LIN7A: variants seen among roughly 807,000 people sequenced by gnomAD.
The protein encoded by LIN7A is protein lin-7 homolog A.
A neutral mutation model predicts 29.8 loss-of-function variants in LIN7A; 25 were observed. The observed-to-expected ratio is 0.84, with a 90% CI of 0.61 to 1.17. The LOEUF (loss-of-function observed/expected upper bound fraction) is 1.17. Among genes scored for constraint, LIN7A ranks in the 50% most tolerant of loss-of-function variants. The pLI, the probability that LIN7A is intolerant of heterozygous loss-of-function variation, is 0.00. For missense variants in LIN7A, 239 were observed against 287.0 expected (o/e 0.83, Z 1.21); for synonymous variants, 118 against 107.5 (o/e 1.10, Z -0.60).
intron 1 of LIN7A, among the ~76,000 whole-genome samples, chr12:80,930,197 C>A (rs560722283): frequency 1.9e-4 from 29 of 152,226 alleles, no homozygotes; most frequent in African/African-American, 5.3e-4. Context: ...AAATTAGACA[C>A]CCTAGCTTTA....
At chr12:80,917,182 A>T (rs75876849) in intron 1 of LIN7A, among the ~76,000 whole-genome samples, 8,909 of 152,274 alleles carry the variant, frequency 0.059, 395 homozygotes, top group Admixed American at 0.13. Context: ...GCAACAAAAA[A>T]TTCAAGAGGA....
At chr12:80,813,401 A>G (rs1424130619) in intron 4 of LIN7A, among the ~76,000 whole-genome samples, 1 of 152,204 alleles carries the variant, frequency 6.6e-6, no homozygotes, top group African/African-American at 2.4e-5. Flanking sequence ...TCAGACTGCT[A>G]ATAACTTAAC....
chr12:80,812,096 T>A (rs1406541833), intron 4 of LIN7A, among the ~76,000 whole-genome samples: 1 of 152,140 alleles, frequency 6.6e-6, no homozygotes, highest in East Asian at 1.9e-4. Context: ...ATTAAAGTGG[T>A]GTCTTATTGT....
At chr12:80,832,499 G>A (rs1266532171) in intron 4 of LIN7A, 1 of 472,836 alleles carries the variant, frequency 2.1e-6, no homozygotes, top group Middle Eastern at 3.2e-4. Flanking sequence ...ATTCAATTGA[G>A]ATCAAGCCTT....
chr12:80,822,498 C>T (rs1592863323), intron 4 of LIN7A, among the ~76,000 whole-genome samples: 1 of 152,238 alleles, frequency 6.6e-6, no homozygotes, highest in East Asian at 1.9e-4. Flanking sequence ...GTGGAGGTTG[C>T]AGTGAGCCAA....
chr12:80,912,468 C>G (rs996222688), intron 1 of LIN7A, among the ~76,000 whole-genome samples: 1 of 151,984 alleles, frequency 6.6e-6, no homozygotes, highest in African/African-American at 2.4e-5. Context: ...GTATTCCCAA[C>G]AATTTGGGAG....
chr12:80,911,506 G>C (rs1383436943), intron 1 of LIN7A, among the ~76,000 whole-genome samples: 1 of 151,954 alleles, frequency 6.6e-6, no homozygotes, highest in Non-Finnish European at 1.5e-5. Context: ...CATATGGAAA[G>C]GGATATAGCA....
chr12:80,811,677 C>T lies in LIN7A; in HGVS notation c.490G>A (p.Glu164Lys). Reference sequence around the variant, plus strand: ...ACAGCTTTCTCATGGTGTTCTCCTTCCACACTCTGAAAATACAATGACACT... The same window carrying T: ...ACAGCTTTCTCATGGTGTTCTCCTTTCACACTCTGAAAATACAATGACACT... ...QLLSVNGVSVEGEHHEKAVEL... is the reference protein window; with the variant it reads ...QLLSVNGVSVKGEHHEKAVEL... The change falls in exon 5 of 6, where the codon GAA becomes AAA. Residue 164 changes from glutamate to lysine, a missense_variant. Transcript: ENST00000552864. 1.2e-6 allele frequency: 2 copies of T among 1,607,682 alleles called. No individual in the cohort carries two copies. The highest frequency in any genetic ancestry group is 1.7e-6 in the Non-Finnish European group (2 of 1,174,690).
At chr12:80,884,477 A>T (rs1430565860) in intron 2 of LIN7A, among the ~76,000 whole-genome samples, 3 of 152,226 alleles carry the variant, frequency 2.0e-5, no homozygotes, top group Admixed American at 1.3e-4. Flanking sequence ...TTTATCATAT[A>T]AAACATTACT....
chr12:80,799,644 T>C (rs1162282830), intron 5 of LIN7A, among the ~76,000 whole-genome samples: 1 of 152,158 alleles, frequency 6.6e-6, no homozygotes, highest in African/African-American at 2.4e-5. Flanking sequence ...TGATAAGTTG[T>C]GGGAACCAAA....
intron 4 of LIN7A, among the ~76,000 whole-genome samples, chr12:80,833,198 T>G (rs1308399299): frequency 6.6e-6 from 1 of 152,180 alleles, no homozygotes; most frequent in Non-Finnish European, 1.5e-5. Context: ...GGCTGAGCCA[T>G]AGACAACACA....
intron 5 of LIN7A, among the ~76,000 whole-genome samples, chr12:80,809,450 G>A (rs1871187126): frequency 1.3e-5 from 2 of 152,090 alleles, no homozygotes; most frequent in Non-Finnish European, 2.9e-5. Context: ...TAGTGTAAAG[G>A]TATCTAACAA....
chr12:80,827,165 A>C (rs139017028), intron 4 of LIN7A, among the ~76,000 whole-genome samples: 1 of 152,142 alleles, frequency 6.6e-6, no homozygotes, highest in Non-Finnish European at 1.5e-5. Context: ...AGGTGAGCAG[A>C]TCACGAGGTC....
Position 80,811,553 on chromosome 12 carries a change from G to A in LIN7A, c.614C>T (p.Thr205Ile). The A allele has an allele frequency of 6.2e-7, 1 of 1,613,962 alleles. No individual in the cohort carries two copies. The highest frequency in any genetic ancestry group is 8.5e-7 in the Non-Finnish European group (1 of 1,179,950). ...EMEARFEKLR[T>I]ARRRQQQQLL... Reference sequence around the variant, plus strand: ...TTGCTGCTGCTGCCGACGCCTGGCTGTTCGTAGCTTTTCAAAGCGAGCCTC... The same window carrying A: ...TTGCTGCTGCTGCCGACGCCTGGCTATTCGTAGCTTTTCAAAGCGAGCCTC... The change falls in exon 5 of 6, where the codon ACA becomes ATA. Residue 205 changes from threonine (T) to isoleucine (I), a missense_variant. By Grantham distance (89) the Thr-to-Ile change is moderately conservative. Transcript: ENST00000552864.
At chr12:80,919,408 A>G (rs1328534700) in intron 1 of LIN7A, among the ~76,000 whole-genome samples, 1 of 152,232 alleles carries the variant, frequency 6.6e-6, no homozygotes, top group Non-Finnish European at 1.5e-5. Flanking sequence ...ATTCCAAATA[A>G]GTGAGAAAAA....
intron 2 of LIN7A, among the ~76,000 whole-genome samples, chr12:80,880,774 C>CAG (rs1874985427): frequency 6.9e-6 from 1 of 145,126 alleles, no homozygotes; most frequent in Non-Finnish European, 1.5e-5. Flanking sequence ...CACACACACA[C>CAG]ATACACACAC....
chr12:80,819,796 A>G (rs1871707787), intron 4 of LIN7A, among the ~76,000 whole-genome samples: 1 of 152,254 alleles, frequency 6.6e-6, no homozygotes, highest in Non-Finnish European at 1.5e-5. Flanking sequence ...AACAGTGCCT[A>G]GGATTTACAA....
intron 4 of LIN7A, among the ~76,000 whole-genome samples, chr12:80,827,141 A>G (rs1872117869): frequency 2.0e-5 from 3 of 152,128 alleles, no homozygotes; most frequent in Non-Finnish European, 4.4e-5. Flanking sequence ...TAATCCCAGC[A>G]CTTTGAGAGG....
chr12:80,907,326 G>T (rs2120775540), intron 1 of LIN7A, among the ~76,000 whole-genome samples: 1 of 152,088 alleles, frequency 6.6e-6, no homozygotes, highest in Non-Finnish European at 1.5e-5. Context: ...CTTTTTGACA[G>T]CTATGATGTT....
Sources: allele counts gnomAD v4.1 joint callset (sites outside exome capture counted in the v4.1 genomes callset), GRCh38; gene constraint gnomAD v4.1.1; transcripts MANE v1.5; gene names NCBI Gene and HGNC (gene_info 2026-07-23, HGNC 2026-07-21).